The following GAS7 variants were observed in gnomAD, a reference collection of about 807,000 sequenced individuals.
GAS7 encodes the protein growth arrest specific 7.
In GAS7, 28 loss-of-function variants were observed where a neutral mutation model predicts 71.1. The observed-to-expected ratio is 0.39, with a 90% CI of 0.29 to 0.54. GAS7 has a LOEUF of 0.54. Ranked by LOEUF, GAS7 falls within the 20% of genes least tolerant of loss-of-function variation. The pLI, the probability that GAS7 is intolerant of heterozygous loss-of-function variation, is 0.62. For missense variants in GAS7, 436 were observed against 627.8 expected (o/e 0.69, Z 3.27); for synonymous variants, 258 against 245.8 (o/e 1.05, Z -0.46).
chr17:10,078,361 G>A (rs2073419763), intron 1 of GAS7, among the ~76,000 whole-genome samples: 2 of 152,234 alleles, frequency 1.3e-5, no homozygotes, highest in South Asian at 4.1e-4. Context: ...CAAAGTGGTG[G>A]GATTACAGGC....
At chr17:10,052,759 G>A (rs2073079739) in intron 1 of GAS7, among the ~76,000 whole-genome samples, 1 of 152,174 alleles carries the variant, frequency 6.6e-6, no homozygotes, top group African/African-American at 2.4e-5. Context: ...GAACCACCTT[G>A]CTCTGTCTAG....
rs149306987 is a variant in GAS7, at chr17:9,982,390, T to C, written c.305-506A>G. Among the ~76,000 whole-genome samples, 71 of 152,328 alleles carry C rather than the reference T, an allele frequency of 4.7e-4. No individual in the cohort carries two copies. In the East Asian group the frequency reaches 0.013, roughly 28 times the overall value. ...TGGTGGTGACTTCCAAGTTTCTTCC[T>C]GATTTCGCAGTTCTAAGTCTCATTT... On this transcript the variant is annotated intron_variant, in intron 2 of 13. Transcript: ENST00000432992.
intron 1 of GAS7, among the ~76,000 whole-genome samples, chr17:10,120,055 T>G (rs1319780424): frequency 6.6e-6 from 1 of 151,882 alleles, no homozygotes; most frequent in East Asian, 1.9e-4. Flanking sequence ...GCACCAAGGG[T>G]TTTCCTGCTG....
intron 1 of GAS7, among the ~76,000 whole-genome samples, chr17:10,094,417 C>T (rs1468254271): frequency 6.6e-6 from 1 of 151,872 alleles, no homozygotes; most frequent in Non-Finnish European, 1.5e-5. Context: ...CACTGCCTAC[C>T]TCTGTCCTTA....
rs1409358358 is a variant in GAS7, at chr17:10,046,746, A to AG, written c.184-26850_184-26849insC. Among the ~76,000 whole-genome samples, 7 of 138,276 alleles carry AG rather than the reference A, an allele frequency of 5.1e-5. 1 individual carries two copies. Among genetic ancestry groups the AG allele is most frequent in the African/African-American group, 2.2e-4 (7 of 31,500 alleles). 90.7% of individuals were successfully genotyped at this position (138,276 alleles called of 152,430 possible). ...GCAAGACTCTGTCTCAAAAAAAAAAAAAGAAAAGAAAAGAAAGAAAGAAGA... is the reference window on the plus strand; with the variant it reads ...GCAAGACTCTGTCTCAAAAAAAAAAAGAAGAAAAGAAAAGAAAGAAAGAAGA... On this transcript the variant is annotated intron_variant, in intron 1 of 13. Transcript: ENST00000432992.
intron 1 of GAS7, among the ~76,000 whole-genome samples, chr17:10,048,383 C>G (rs1319287080): frequency 6.6e-6 from 1 of 151,898 alleles, no homozygotes; most frequent in East Asian, 1.9e-4. Context: ...CCCAGGAAAT[C>G]AGATTTTCCT....
chr17:10,071,086 C>G (rs944996538), intron 1 of GAS7, among the ~76,000 whole-genome samples: 1 of 151,836 alleles, frequency 6.6e-6, no homozygotes. Context: ...TCAAAGGAGC[C>G]ACCTGACTGG....
chr17:9,981,603 C>T lies in GAS7; in HGVS notation c.385+201G>A, dbSNP rs143517679. Among the ~76,000 whole-genome samples, 205 of 152,236 alleles carry T rather than the reference C, an allele frequency of 1.3e-3. 1 individual carries two copies. Among genetic ancestry groups the T allele is most frequent in the African/African-American group, 4.6e-3 (193 of 41,562 alleles). Reference sequence around the variant, plus strand: ...CGCCTGAGGAGGAGTGTGCAGGAGGCCACCAGAGCTGCTGCTGGCACTGCC... The same window carrying T: ...CGCCTGAGGAGGAGTGTGCAGGAGGTCACCAGAGCTGCTGCTGGCACTGCC... On this transcript the variant is annotated intron_variant, in intron 3 of 13. Transcript: ENST00000432992. This position sits in a 1 kb window ranked among gnomAD's most constrained non-coding sequence, Gnocchi z 4.4.
chr17:10,123,552 A>G (rs1261941957), intron 1 of GAS7, among the ~76,000 whole-genome samples: 3 of 152,358 alleles, frequency 2.0e-5, no homozygotes, highest in Middle Eastern at 3.4e-3. Flanking sequence ...GGCAGGGCTA[A>G]GGGTGAAAGC....
At chr17:9,936,702 G>A (rs61248020) in intron 8 of GAS7, among the ~76,000 whole-genome samples, 2,550 of 152,120 alleles carry the variant, frequency 0.017, 82 homozygotes, top group African/African-American at 0.059. Flanking sequence ...TCTGATAAAC[G>A]GTTAATGAAA....
At chr17:10,089,218 A>G (rs7211187) in intron 1 of GAS7, among the ~76,000 whole-genome samples, 78,438 of 151,978 alleles carry the variant, frequency 0.52, 20,927 homozygotes, top group African/African-American at 0.62. Context: ...GTTCCCATGC[A>G]CTGTCTTCCC....
At chr17:10,154,944 ACACACACAC>A (rs1567612982) in intron 1 of GAS7, among the ~76,000 whole-genome samples, 1 of 151,452 alleles carries the variant, frequency 6.6e-6, no homozygotes, top group African/African-American at 2.4e-5. Context: ...ACACACACAC[ACACACACAC>A]ACAAAACCCA....
chr17:9,981,704 A>C lies in GAS7; in HGVS notation c.385+100T>G. ...CCCAACCCCTCCCTGGGTTTGCTAC[A>C]TCAGCCAGGTTTAAGACCCAGGACC... On this transcript the variant is annotated intron_variant, in intron 3 of 13. Transcript: ENST00000432992. The surrounding 1 kb of genome is among the most constrained non-coding windows in gnomAD (Gnocchi z 4.4). 4.1e-6 allele frequency: 3 copies of C among 736,392 alleles called. No individual in the cohort carries two copies. Among genetic ancestry groups the C allele is most frequent in the Admixed American group, 4.2e-5 (2 of 47,736 alleles). 45.6% of individuals were successfully genotyped at this position (736,392 alleles called of 1,614,324 possible).
chr17:10,160,312 AG>A (rs760498594), intron 1 of GAS7, among the ~76,000 whole-genome samples: 1 of 152,184 alleles, frequency 6.6e-6, no homozygotes, highest in Non-Finnish European at 1.5e-5. Context: ...GTAGAGATCT[AG>A]GGGGTATTTT....
chr17:10,036,577 T>A, intron 1 of GAS7: 2 of 1,527,792 alleles, frequency 1.3e-6, no homozygotes, highest in Non-Finnish European at 8.8e-7. Flanking sequence ...CTGAGGCAAG[T>A]CGCTAGCCCA....
chr17:9,937,288 T>C (rs2068435350), intron 8 of GAS7, among the ~76,000 whole-genome samples: 1 of 152,220 alleles, frequency 6.6e-6, no homozygotes, highest in East Asian at 1.9e-4. Context: ...CTTATGGAGC[T>C]GGACTGCTCG....
chr17:9,989,869 T>G (rs1323705798), intron 2 of GAS7, among the ~76,000 whole-genome samples: 1 of 152,198 alleles, frequency 6.6e-6, no homozygotes, highest in Non-Finnish European at 1.5e-5. Flanking sequence ...GAGAGTGGCT[T>G]AGCTGGGCAA....
chr17:9,958,881 G>A (rs1403887822), intron 5 of GAS7: 9 of 774,386 alleles, frequency 1.2e-5, no homozygotes, highest in East Asian at 4.2e-5. Flanking sequence ...CATCACTTGC[G>A]CTGAGCACAG....
intron 1 of GAS7, among the ~76,000 whole-genome samples, chr17:10,124,150 G>T (rs2073926306): frequency 6.6e-6 from 1 of 152,240 alleles, no homozygotes; most frequent in South Asian, 2.1e-4. Flanking sequence ...CTGTGCCTGG[G>T]CGGGCTCCCC....
Sources: gnomAD v4.1 joint callset for allele counts (sites outside exome capture counted in the v4.1 genomes callset) on GRCh38, gnomAD v4.1.1 for gene constraint, Gnocchi (gnomAD v3.1) non-coding constraint, MANE v1.5 for transcripts, NCBI Gene and HGNC (gene_info 2026-07-23, HGNC 2026-07-21) for gene names.